Variants in B4GALNT3 observed in about 807,000 individuals in gnomAD.
B4GALNT3 encodes beta-1,4-N-acetylgalactosaminyltransferase 3.
B4GALNT3 carries 86 observed loss-of-function variants against 120.2 expected under a neutral mutation model. The ratio of observed to expected loss-of-function variants is 0.72; its 90% CI spans 0.60 to 0.86. B4GALNT3 has a LOEUF of 0.86. Ranked by LOEUF, B4GALNT3 falls within the 40% of genes least tolerant of loss-of-function variation. The pLI is 0.00. For missense variants in B4GALNT3, 1,167 were observed against 1,298.9 expected, an observed-to-expected ratio of 0.90 and a Z score of 1.56; for synonymous variants, 518 against 510.4, an observed-to-expected ratio of 1.01 and a Z score of -0.20.
chr12:552,633 A>T, intron 13 of B4GALNT3, 105 bp downstream of exon 13: 1 of 1,120,850 alleles, frequency 8.9e-7, no homozygotes, highest in Non-Finnish European at 1.3e-6. Context: ...GAGGAGCTCA[A>T]GATCCAAATC....
intron 1 of B4GALNT3, among the ~76,000 whole-genome samples, chr12:523,488 A>G (rs1946732143): frequency 6.6e-6 from 1 of 152,100 alleles, no homozygotes; most frequent in Non-Finnish European, 1.5e-5. Context: ...GCCCTTTCCT[A>G]GATTAGGCTC....
intron 2 of B4GALNT3, 67 bp from the exon 3 acceptor site, chr12:536,151 C>G: frequency 7.2e-7 from 1 of 1,389,538 alleles, no homozygotes; most frequent in Non-Finnish European, 1.0e-6. Flanking sequence ...GGCACTGTGC[C>G]TCCTGTCCTG....
At position 559,350 on chromosome 12, in the gene B4GALNT3, C is replaced by T. The variant is rs1054951155; in HGVS notation, c.2817C>T (p.Asp939=). ...TTGGCATCTACAAGTCTGACCTGGACAGGATTGGGGGCATGAACACCAAGG... is the reference window on the plus strand; with the variant it reads ...TTGGCATCTACAAGTCTGACCTGGATAGGATTGGGGGCATGAACACCAAGG... ...GLLGIYKSDL[D]RIGGMNTKEF... The change falls in exon 19 of 20, where the codon GAC becomes GAT. Residue 939 remains aspartate, a synonymous_variant. Coordinates refer to ENST00000266383, the MANE Select transcript of B4GALNT3 (RefSeq NM_173593.4). 9 of 1,613,936 alleles carry T rather than the reference C, an allele frequency of 5.6e-6. No homozygotes were observed. The highest frequency in any genetic ancestry group is 1.3e-5 in the African/African-American group (1 of 74,894).
At chr12:475,694 G>A (rs575806774) in intron 1 of B4GALNT3, among the ~76,000 whole-genome samples, 1 of 152,144 alleles carries the variant, frequency 6.6e-6, no homozygotes, top group East Asian at 1.9e-4. Context: ...AGCTGACTTC[G>A]TTCTTTCTGG....
At chr12:507,417 C>T (rs1217788047) in intron 1 of B4GALNT3, among the ~76,000 whole-genome samples, 1 of 152,238 alleles carries the variant, frequency 6.6e-6, no homozygotes, top group East Asian at 1.9e-4. Context: ...GGAAGTGTCA[C>T]TGGGCCTGGG....
At chr12:521,417 T>C (rs753666795) in intron 1 of B4GALNT3, among the ~76,000 whole-genome samples, 8 of 152,212 alleles carry the variant, frequency 5.3e-5, no homozygotes, top group Non-Finnish European at 7.3e-5. Flanking sequence ...CTGCCGTGGT[T>C]CCTGGCCTTT....
chr12:500,670 C>T (rs2120536337), intron 1 of B4GALNT3, among the ~76,000 whole-genome samples: 1 of 152,058 alleles, frequency 6.6e-6, no homozygotes, highest in South Asian at 2.1e-4. Flanking sequence ...CCGTGGGTGC[C>T]CCAACCCGGG....
At chr12:468,981 A>G (rs577674707) in intron 1 of B4GALNT3, among the ~76,000 whole-genome samples, 2 of 152,382 alleles carry the variant, frequency 1.3e-5, no homozygotes, top group East Asian at 1.9e-4. Context: ...GACTTTATGT[A>G]TAAATGCTCA....
At chr12:520,645 G>GCTCAGTAGTTTAATCGGCCA (rs1395325944) in intron 1 of B4GALNT3, among the ~76,000 whole-genome samples, 9 of 152,218 alleles carry the variant, frequency 5.9e-5, no homozygotes, top group East Asian at 1.9e-4. Context: ...TTATGGGATT[G>GCTCAGTAGTTTAATCGGCCA]TGACTAATAG....
intron 11 of B4GALNT3, among the ~76,000 whole-genome samples, chr12:551,504 C>A (rs1286716576): frequency 1.3e-5 from 2 of 152,320 alleles, no homozygotes; most frequent in East Asian, 3.9e-4. Context: ...TGGCCACTCT[C>A]CTGTGCATCC....
intron 1 of B4GALNT3, among the ~76,000 whole-genome samples, chr12:462,144 C>A (rs1946028162): frequency 6.6e-6 from 1 of 152,112 alleles, no homozygotes; most frequent in African/African-American, 2.4e-5. Flanking sequence ...GAGAGTGAAT[C>A]TATTCTCCCC....
intron 17 of B4GALNT3, among the ~76,000 whole-genome samples, chr12:558,294 A>G (rs559255320): frequency 6.6e-6 from 1 of 152,232 alleles, no homozygotes; most frequent in East Asian, 1.9e-4. Context: ...GGGTCCTTGG[A>G]GCCTATAAAG....
chr12:511,445 C>CCTTCCACCTTCTTCCACCTTCCAT (rs1946557208), intron 1 of B4GALNT3, among the ~76,000 whole-genome samples: 1 of 73,568 alleles, frequency 1.4e-5, no homozygotes, highest in Admixed American at 1.7e-4. Flanking sequence ...CCACCTTCCA[C>CCTTCCACCTTCTTCCACCTTCCAT]CTTCCACCTT....
chr12:483,686 AG>A (rs145946211), intron 1 of B4GALNT3, among the ~76,000 whole-genome samples: 2,306 of 152,332 alleles, frequency 0.015, 58 homozygotes, highest in African/African-American at 0.052. Context: ...CAACATAGTG[AG>A]ACCCTGTCCC....
At chr12:513,205 CCACCTTCCACTA>C in intron 1 of B4GALNT3, among the ~76,000 whole-genome samples, 1 of 152,172 alleles carries the variant, frequency 6.6e-6, no homozygotes, top group African/African-American at 2.4e-5. Context: ...CTTCCACCTT[CCACCTTCCACTA>C]CCGTTCTTGG....
intron 1 of B4GALNT3, among the ~76,000 whole-genome samples, chr12:496,313 A>G (rs1449187752): frequency 6.6e-6 from 1 of 152,186 alleles, no homozygotes; most frequent in Non-Finnish European, 1.5e-5. Context: ...TAACTTTTAA[A>G]GGGTACAATT....
intron 1 of B4GALNT3, among the ~76,000 whole-genome samples, chr12:516,341 G>C: frequency 6.6e-6 from 1 of 152,138 alleles, no homozygotes; most frequent in Admixed American, 6.5e-5. Flanking sequence ...ATCAGGAAAG[G>C]CTTCTGATAT....
At chr12:533,385 G>T (rs1946826720) in intron 1 of B4GALNT3, among the ~76,000 whole-genome samples, 1 of 152,176 alleles carries the variant, frequency 6.6e-6, no homozygotes, top group African/African-American at 2.4e-5. Flanking sequence ...ACCTCTTCCT[G>T]CCAGCTGGGC....
intron 1 of B4GALNT3, among the ~76,000 whole-genome samples, chr12:504,159 A>C (rs1946471502): frequency 6.6e-6 from 1 of 151,550 alleles, no homozygotes; most frequent in Non-Finnish European, 1.5e-5. Context: ...CTCATTGCTT[A>C]AAAAGAAAGA....
Sources: gnomAD v4.1 joint callset for allele counts (sites outside exome capture counted in the v4.1 genomes callset) on GRCh38, gnomAD v4.1.1 for gene constraint, MANE v1.5 for transcripts, NCBI Gene and HGNC (gene_info 2026-07-23, HGNC 2026-07-21) for gene names.